KCNQ1: variants seen among roughly 807,000 people sequenced by gnomAD.
KCNQ1 encodes the protein potassium voltage-gated channel subfamily KQT member 1.
KCNQ1 carries 49 observed loss-of-function variants against 72.4 expected under a neutral mutation model. That is an observed-to-expected ratio of 0.68 (90% CI 0.54 to 0.86). KCNQ1 has a LOEUF of 0.86. Among genes scored for constraint, KCNQ1 ranks in the 40% least tolerant of loss-of-function variants. The pLI, the probability that KCNQ1 is intolerant of heterozygous loss-of-function variation, is 0.00. For missense variants in KCNQ1, 790 were observed against 945.1 expected, an observed-to-expected ratio of 0.84 and a Z score of 2.15; for synonymous variants, 450 against 412.6, an observed-to-expected ratio of 1.09 and a Z score of -1.10.
rs555162824 is a variant in KCNQ1, at chr11:2,508,077, C to T, written c.387-19851C>T. On this transcript the variant is annotated intron_variant, in intron 1 of 15. Transcript: ENST00000155840. This position sits in a 1 kb window ranked among gnomAD's most constrained non-coding sequence, Gnocchi z 6.2. ...ACCTCTCAGACACAAACACCCAGCT[C>T]GGCCCCACAGAGCTGGCCTGGGCCC... 4.6e-5 allele frequency among the ~76,000 whole-genome samples: 7 copies of T among 152,214 alleles called. No individual in the cohort carries two copies. Among genetic ancestry groups the T allele is most frequent in the East Asian group, 2.0e-4 (1 of 5,128 alleles).
At chr11:2,665,120 C>G (rs1850042080) in intron 11 of KCNQ1, 1 of 398,470 alleles carries the variant, frequency 2.5e-6, no homozygotes, top group Admixed American at 4.4e-5. Flanking sequence ...GCACCCCAGC[C>G]TATAGGTGGG....
At chr11:2,553,456 G>A (rs2133697254) in intron 2 of KCNQ1, among the ~76,000 whole-genome samples, 1 of 152,056 alleles carries the variant, frequency 6.6e-6, no homozygotes, top group South Asian at 2.1e-4. Flanking sequence ...GGTTTGCTGG[G>A]AATAGAGAGT....
chr11:2,619,078 G>C (rs1000121400), intron 10 of KCNQ1: 9 of 398,452 alleles, frequency 2.3e-5, no homozygotes, highest in Non-Finnish European at 4.0e-5. Context: ...TGCTTTGTCA[G>C]AGTCTTCGGG....
intron 1 of KCNQ1, among the ~76,000 whole-genome samples, chr11:2,522,544 C>T (rs748770461): frequency 4.6e-5 from 7 of 152,108 alleles, no homozygotes; most frequent in Non-Finnish European, 1.0e-4. Flanking sequence ...CAGCTCCGCC[C>T]GAGACAAGAA....
intron 1 of KCNQ1, among the ~76,000 whole-genome samples, chr11:2,496,092 C>G (rs781085465): frequency 1.7e-4 from 26 of 152,096 alleles, no homozygotes; most frequent in Non-Finnish European, 3.1e-4. Flanking sequence ...TTATGTAATG[C>G]TCTTCTTTGT....
In KCNQ1 at chr11:2,695,198, T is replaced by G; in HGVS notation, c.1514+33117T>G. Reference sequence around the variant, plus strand: ...TCACAGCCCTCAGCCTATGAAACACTGTCACCCTGTAAGGGTCTGCATAAA... The same window carrying G: ...TCACAGCCCTCAGCCTATGAAACACGGTCACCCTGTAAGGGTCTGCATAAA... On this transcript the variant is annotated intron_variant, in intron 11 of 15. Transcript: ENST00000155840. The surrounding 1 kb of genome is among the most constrained non-coding windows in gnomAD (Gnocchi z 5.2). 1 of 398,636 alleles carries G rather than the reference T, an allele frequency of 2.5e-6. No homozygotes were observed. The highest frequency in any genetic ancestry group is 4.4e-6 in the Non-Finnish European group (1 of 226,080). 24.7% of individuals were successfully genotyped at this position (398,636 alleles called of 1,614,324 possible). A position where few individuals can be genotyped will look rare whatever the true frequency, so the allele number is the denominator to read the frequency against.
At chr11:2,501,981 G>C (rs1319426821) in intron 1 of KCNQ1, among the ~76,000 whole-genome samples, 1 of 152,080 alleles carries the variant, frequency 6.6e-6, no homozygotes, top group Non-Finnish European at 1.5e-5. Context: ...AAAAGCACTT[G>C]ATAAAATTCC....
chr11:2,766,022 A>G lies in KCNQ1; in HGVS notation c.1515-2822A>G, dbSNP rs1846492398. On this transcript the variant is annotated intron_variant, in intron 11 of 15. Coordinates refer to ENST00000155840, the MANE Select transcript of KCNQ1 (RefSeq NM_000218.3). The surrounding 1 kb of genome is among the most constrained non-coding windows in gnomAD (Gnocchi z 4.4). ...GGCTATTTTCTTTGGGTTCACAGCT[A>G]TTCTTTTCTACTCTGTCGTCCCTGC... 6.6e-6 allele frequency among the ~76,000 whole-genome samples: 1 copy of G among 152,062 alleles called. No homozygotes were observed. The highest frequency in any genetic ancestry group is 6.6e-5 in the Admixed American group (1 of 15,256).
intron 2 of KCNQ1, among the ~76,000 whole-genome samples, chr11:2,555,298 C>G (rs1323493192): frequency 6.6e-6 from 1 of 152,210 alleles, no homozygotes; most frequent in African/African-American, 2.4e-5. Flanking sequence ...CCGCTCCACC[C>G]CCTTTTCCCC....
Position 2,759,457 on chromosome 11 carries a change from C to T in KCNQ1, c.1515-9387C>T, listed in dbSNP as rs1340838003. Among the ~76,000 whole-genome samples, 2 of 152,188 alleles carry T rather than the reference C, an allele frequency of 1.3e-5. No homozygotes were observed. Among genetic ancestry groups the T allele is most frequent in the African/African-American group, 2.4e-5 (1 of 41,438 alleles). ...CCCAGGGGATGTTCCTTCCCCAAGG[C>T]GCTGTGGCCACTTAGAGGGTCCCCC... On this transcript the variant is annotated intron_variant, in intron 11 of 15. Transcript: ENST00000155840. This position sits in a 1 kb window ranked among gnomAD's most constrained non-coding sequence, Gnocchi z 4.4.
At position 2,445,263 on chromosome 11, in the gene KCNQ1, G is replaced by A; in HGVS notation, c.165G>A (p.Ala55=). ...PAGGALYAPI[A]PGAPGPAPPA... is the part of the protein sequence containing the mutation. ...GCGGCGCGCTCTACGCGCCCATCGC[G>A]CCCGGCGCCCCAGGTCCCGCGCCCC... Residue 55 remains alanine, a synonymous_variant, in exon 1 of 16, where the codon GCG becomes GCA. Transcript: ENST00000155840. The A allele has an allele frequency of 8.2e-7, 1 of 1,219,426 alleles. No individual in the cohort carries two copies. The highest frequency in any genetic ancestry group is 1.0e-6 in the Non-Finnish European group (1 of 984,384). The allele number at this position is 1,219,426 out of a possible 1,614,324, so 75.5% of individuals were successfully genotyped here.
rs143164877 is a variant in KCNQ1 at position 2,727,602 on chromosome 11, C to T, written c.1515-41242C>T. On this transcript the variant is annotated intron_variant, in intron 11 of 15. Coordinates refer to ENST00000155840, the MANE Select transcript of KCNQ1 (RefSeq NM_000218.3). ...GGAGCAGGAGCAGACACCCCGGATC[C>T]GCTCTCCTCCCTCCTTGCCTCCTGC... Among the ~76,000 whole-genome samples the T allele has an allele frequency of 3.4e-4, 52 of 152,320 alleles. 1 individual carries two copies. The East Asian group carries it at 6.0e-3, about 18-fold the overall frequency.
At position 2,563,295 on chromosome 11, in the gene KCNQ1, G is replaced by A. The variant is rs1414134814; in HGVS notation, c.478-7333G>A. Reference sequence around the variant, plus strand: ...TCGGAGAACACCGGTTCCACGGCCGGTTGCAACACGTTTGAGCCAAAGTGC... The same window carrying A: ...TCGGAGAACACCGGTTCCACGGCCGATTGCAACACGTTTGAGCCAAAGTGC... On this transcript the variant is annotated intron_variant, in intron 2 of 15. Coordinates refer to ENST00000155840, the MANE Select transcript of KCNQ1 (RefSeq NM_000218.3). This position sits in a 1 kb window ranked among gnomAD's most constrained non-coding sequence, Gnocchi z 7.4. 1.3e-5 allele frequency among the ~76,000 whole-genome samples: 2 copies of A among 152,198 alleles called. No individual in the cohort carries two copies. Among genetic ancestry groups the A allele is most frequent in the Non-Finnish European group, 2.9e-5 (2 of 68,032 alleles).
Position 2,608,915 on chromosome 11 carries a change from C to A in KCNQ1, c.1393+20061C>A. On this transcript the variant is annotated intron_variant, in intron 10 of 15. Coordinates refer to ENST00000155840, the MANE Select transcript of KCNQ1 (RefSeq NM_000218.3). This position sits in a 1 kb window ranked among gnomAD's most constrained non-coding sequence, Gnocchi z 4.6. The stretch of plus-strand genomic sequence containing the variant: ...TTCCTCCTCCCCCTCTTTCTTCCTC[C>A]CCTTCTTTTCTTCTCCCTCTCCCTC... 3 of 398,418 alleles carry A rather than the reference C, an allele frequency of 7.5e-6. No individual in the cohort carries two copies. The highest frequency in any genetic ancestry group is 1.3e-5 in the Non-Finnish European group (3 of 226,026). The allele number at this position is 398,418 out of a possible 1,614,324, so 24.7% of individuals were successfully genotyped here. A position where few individuals can be genotyped will look rare whatever the true frequency, so the allele number is the denominator to read the frequency against.
At chr11:2,553,162 G>GTTTT (rs761903102) in intron 2 of KCNQ1, among the ~76,000 whole-genome samples, 2 of 105,846 alleles carry the variant, frequency 1.9e-5, no homozygotes, top group African/African-American at 4.6e-5. Flanking sequence ...GGTTTTTTTT[G>GTTTT]TTTTTTTTTT....
chr11:2,509,866 TG>T lies in KCNQ1; in HGVS notation c.387-18059del, dbSNP rs1478360911. On this transcript the variant is annotated intron_variant, in intron 1 of 15. Coordinates refer to ENST00000155840, the MANE Select transcript of KCNQ1 (RefSeq NM_000218.3). This position sits in a 1 kb window ranked among gnomAD's most constrained non-coding sequence, Gnocchi z 6.3. ...AATGGTGGCGTGATGCAGCCTGGCT[TG>T]GGAAATGCCCATGGAGGTGACAAGT... is the stretch of plus-strand genomic sequence containing the variant. Among the ~76,000 whole-genome samples the T allele has an allele frequency of 1.3e-5, 2 of 152,164 alleles. No homozygotes were observed. The highest frequency in any genetic ancestry group is 2.9e-5 in the Non-Finnish European group (2 of 68,028).
intron 15 of KCNQ1, chr11:2,840,565 C>T (rs1848187347): frequency 6.6e-6 from 1 of 152,082 alleles, no homozygotes; most frequent in African/African-American, 2.4e-5. Context: ...GGAGGCCCTT[C>T]CAAGCACGCA....
chr11:2,634,671 T>A (rs1849426373), intron 10 of KCNQ1: 1 of 152,204 alleles, frequency 6.6e-6, no homozygotes, highest in Admixed American at 6.5e-5. Context: ...GCAGCATGAC[T>A]TATAGTCCTT....
In KCNQ1 at chr11:2,565,754, C is replaced by T. The variant is rs1848238143; in HGVS notation, c.478-4874C>T. On this transcript the variant is annotated intron_variant, in intron 2 of 15. Transcript: ENST00000155840. This position sits in a 1 kb window ranked among gnomAD's most constrained non-coding sequence, Gnocchi z 5.6. The stretch of plus-strand genomic sequence containing the variant: ...AGTGCAGTGGCATCAGCCAAGGCTC[C>T]GAGGCGTTTCTTCCCACTTCACATG... Among the ~76,000 whole-genome samples the T allele has an allele frequency of 6.6e-6, 1 of 152,190 alleles. No homozygotes were observed. The highest frequency in any genetic ancestry group is 6.5e-5 in the Admixed American group (1 of 15,280).
Sources: gnomAD v4.1 joint callset for allele counts (sites outside exome capture counted in the v4.1 genomes callset) on GRCh38, gnomAD v4.1.1 for gene constraint, Gnocchi (gnomAD v3.1) non-coding constraint, MANE v1.5 for transcripts, NCBI Gene and HGNC (gene_info 2026-07-23, HGNC 2026-07-21) for gene names.